Variants in CST6 observed in about 807,000 individuals in gnomAD.
CST6 encodes the protein cystatin-M.
In CST6, 8 loss-of-function variants were observed where a neutral mutation model predicts 10.7. The ratio of observed to expected loss-of-function variants is 0.75; its 90% CI spans 0.44 to 1.34. The LOEUF (loss-of-function observed/expected upper bound fraction) is 1.34, where lower values mean the gene tolerates loss of function less well. Among genes scored for constraint, CST6 ranks in the 40% most tolerant of loss-of-function variants. CST6 has a pLI of 0.01. For missense variants in CST6, 206 were observed against 205.1 expected, an observed-to-expected ratio of 1.00 and a Z score of -0.03; for synonymous variants, 100 against 89.3, an observed-to-expected ratio of 1.12 and a Z score of -0.68.
intron 1 of CST6, 42 bp downstream of exon 1, chr11:66,012,326 T>TG: frequency 1.3e-6 from 2 of 1,546,328 alleles, no homozygotes; most frequent in Non-Finnish European, 1.8e-6. Context: ...CCGGCCCAGA[T>TG]GGGGGAGGCC....
In CST6 at chr11:66,012,879, C is replaced by A; in HGVS notation, c.294C>A (p.Cys98Ter). 1 of 1,613,366 alleles carries A rather than the reference C, an allele frequency of 6.2e-7. No individual in the cohort carries two copies. The highest frequency in any genetic ancestry group is 8.5e-7 in the Non-Finnish European group (1 of 1,179,574). The change falls in exon 2 of 3, where the codon TGC becomes TGA. Residue 98 changes from cysteine to a stop codon, truncating the protein, a stop_gained. Transcript: ENST00000312134. LOFTEE classifies it high-confidence loss of function. ...FLTMEMGSTD[C>*]RKTRVTGDHV... is the part of the protein sequence containing the mutation. The stretch of plus-strand genomic sequence containing the variant: ...CGATGGAGATGGGGAGCACAGACTG[C>A]CGCAAGACCAGGGTCACTGGAGACC...
At chr11:66,012,688 C>CCCT (rs1856182405) in intron 1 of CST6, 138 bp from the exon 2 acceptor site, 1 of 155,906 alleles carries the variant, frequency 6.4e-6, no homozygotes, top group Non-Finnish European at 1.4e-5. Context: ...CCCCCCACCC[C>CCCT]CCCCCACCCC....
In CST6 at chr11:66,013,474, G is replaced by A; in HGVS notation, c.*74G>A. The A allele has an allele frequency of 2.4e-6, 3 of 1,241,008 alleles. No homozygotes were observed. Among genetic ancestry groups the A allele is most frequent in the Non-Finnish European group, 3.6e-6 (3 of 840,040 alleles). The allele number at this position is 1,241,008 out of a possible 1,614,324, so 76.9% of individuals were successfully genotyped here. On this transcript the variant is annotated 3_prime_UTR_variant, in exon 3 of 3. Coordinates refer to ENST00000312134, the MANE Select transcript of CST6 (RefSeq NM_001323.4). ...CACTTCAGGTCCGTGGGCCGTATCT[G>A]TCACAATAAATGGCCAGTGCTGCTT...
chr11:66,012,330 G>T (rs757571257), intron 1 of CST6, 46 bp downstream of exon 1: 48 of 1,538,056 alleles, frequency 3.1e-5, no homozygotes, highest in Non-Finnish European at 4.0e-5. Flanking sequence ...CCCAGATGGG[G>T]GAGGCCACAG....
intron 1 of CST6, among the ~76,000 whole-genome samples, 182 bp from the exon 2 acceptor site, chr11:66,012,644 C>A (rs1019271189): frequency 6.9e-6 from 1 of 143,984 alleles, no homozygotes; most frequent in African/African-American, 2.6e-5. Flanking sequence ...GGCCTCTCCA[C>A]CCTCCATCCC....
Position 66,012,895 on chromosome 11 carries a change from A to G in CST6, c.310A>G (p.Thr104Ala), listed in dbSNP as rs1210997403. Reference protein sequence around the residue: ...GSTDCRKTRVTGDHVDLTTCP... With the variant: ...GSTDCRKTRVAGDHVDLTTCP... ...CACAGACTGCCGCAAGACCAGGGTC[A>G]CTGGAGACCACGTCGACCTCACCAC... The change falls in exon 2 of 3, where the codon ACT (threonine) becomes GCT (alanine). Residue 104 changes from threonine (T) to alanine (A), a missense_variant. By Grantham distance (58) the Thr-to-Ala change is moderately conservative. Transcript: ENST00000312134. 6.2e-7 allele frequency: 1 copy of G among 1,613,700 alleles called. No individual in the cohort carries two copies. Among genetic ancestry groups the G allele is most frequent in the South Asian group, 1.1e-5 (1 of 91,078 alleles).
chr11:66,013,467 C>A lies in CST6; in HGVS notation c.*67C>A. On this transcript the variant is annotated 3_prime_UTR_variant, in exon 3 of 3. Coordinates refer to ENST00000312134, the MANE Select transcript of CST6 (RefSeq NM_001323.4). ...TGGAGGGCACTTCAGGTCCGTGGGC[C>A]GTATCTGTCACAATAAATGGCCAGT... The A allele has an allele frequency of 1.5e-6, 2 of 1,293,774 alleles. No individual in the cohort carries two copies. Among genetic ancestry groups the A allele is most frequent in the Admixed American group, 1.7e-5 (1 of 59,502 alleles). The allele number at this position is 1,293,774 out of a possible 1,614,324, so 80.1% of individuals were successfully genotyped here.
chr11:66,013,461 G>A lies in CST6; in HGVS notation c.*61G>A, dbSNP rs895515180. On this transcript the variant is annotated 3_prime_UTR_variant, in exon 3 of 3. Transcript: ENST00000312134. ...CCATGGTGGAGGGCACTTCAGGTCC[G>A]TGGGCCGTATCTGTCACAATAAATG... is the stretch of plus-strand genomic sequence containing the variant. 8 of 1,342,046 alleles carry A rather than the reference G, an allele frequency of 6.0e-6. No homozygotes were observed. Among genetic ancestry groups the A allele is most frequent in the Non-Finnish European group, 8.6e-6 (8 of 932,282 alleles). The allele number at this position is 1,342,046 out of a possible 1,614,324, so 83.1% of individuals were successfully genotyped here.
Position 66,012,055 on chromosome 11 carries a change from C to T in CST6, c.11C>T (p.Ser4Leu), listed in dbSNP as rs376486721. The change falls in exon 1 of 3, where the codon TCG becomes TTG. Residue 4 changes from serine (S) to leucine (L), a missense_variant. Ser to Leu is a moderately radical substitution (Grantham distance 145). Transcript: ENST00000312134. Reference protein sequence around the residue: MARSNLPLALGLAL... With the variant: MARLNLPLALGLAL... ...ACGGCACTGACGGCCATGGCGCGTT[C>T]GAACCTCCCGCTGGCGCTGGGCCTG... 1.2e-5 allele frequency: 19 copies of T among 1,559,142 alleles called. No homozygotes were observed. Among genetic ancestry groups the T allele is most frequent in the Non-Finnish European group, 1.6e-5 (18 of 1,160,244 alleles).
intron 1 of CST6, 59 bp from the exon 2 acceptor site, chr11:66,012,767 G>T: frequency 2.0e-6 from 3 of 1,520,620 alleles, no homozygotes; most frequent in Non-Finnish European, 2.7e-6. Flanking sequence ...TATATCAAGA[G>T]GTGAGAAGTG....
Position 66,012,941 on chromosome 11 carries a change from C to T in CST6, c.356C>T (p.Ala119Val), listed in dbSNP as rs748319216. 3.8e-5 allele frequency: 62 copies of T among 1,613,340 alleles called. No individual in the cohort carries two copies. In the Middle Eastern group the frequency reaches 6.6e-4, roughly 17 times the overall value. Residue 119 changes from alanine to valine, a missense_variant, in exon 2 of 3, where the codon GCG becomes GTG. Physicochemically the swap from Ala to Val is moderately conservative, Grantham distance 64 (BLOSUM62 0). Transcript: ENST00000312134. The stretch of plus-strand genomic sequence containing the variant: ...ACCACTTGCCCCCTGGCAGCAGGGG[C>T]GCAGCAGGAGGTAACAGCTGGGCTC... ...DLTTCPLAAG[A>V]QQEKLRCDFE...
rs1214698003 is a variant in CST6 at position 66,013,346 on chromosome 11, G to T, written c.396G>T (p.Val132=). The T allele has an allele frequency of 6.2e-7, 1 of 1,614,072 alleles. No homozygotes were observed. The highest frequency in any genetic ancestry group is 8.5e-7 in the Non-Finnish European group (1 of 1,180,030). Reference sequence around the variant, plus strand: ...TGCGCTGTGACTTTGAGGTCCTTGTGGTTCCCTGGCAGAACTCCTCTCAGC... The same window carrying T: ...TGCGCTGTGACTTTGAGGTCCTTGTTGTTCCCTGGCAGAACTCCTCTCAGC... ...EKLRCDFEVL[V]VPWQNSSQLL... Residue 132 remains valine (V), a synonymous_variant, in exon 3 of 3, where the codon GTG becomes GTT. Coordinates refer to ENST00000312134, the MANE Select transcript of CST6 (RefSeq NM_001323.4).
In CST6 at chr11:66,012,082, C is replaced by T. The variant is rs1311958364; in HGVS notation, c.38C>T (p.Ala13Val). ...RSNLPLALGL[A>V]LVAFCLLALP... is the part of the protein sequence containing the mutation. ...AACCTCCCGCTGGCGCTGGGCCTGG[C>T]CCTGGTCGCATTCTGCCTCCTGGCG... The change falls in exon 1 of 3, where the codon GCC (alanine) becomes GTC (valine). Residue 13 changes from alanine (A) to valine (V), a missense_variant. Ala to Val is a moderately conservative substitution (Grantham distance 64). Transcript: ENST00000312134. 1 of 1,569,194 alleles carries T rather than the reference C, an allele frequency of 6.4e-7. No homozygotes were observed. Among genetic ancestry groups the T allele is most frequent in the Non-Finnish European group, 8.6e-7 (1 of 1,166,188 alleles).
Position 66,012,203 on chromosome 11 carries a change from G to C in CST6, c.159G>C (p.Gln53His). ...PDDPQVQKAA[Q>H]AAVASYNMGS... ...ACCCGCAGGTGCAGAAGGCGGCGCA[G>C]GCGGCCGTGGCCAGCTACAACATGG... Residue 53 changes from glutamine (Q) to histidine (H), a missense_variant, in exon 1 of 3, where the codon CAG (glutamine) becomes CAC (histidine). Transcript: ENST00000312134. 6.3e-7 allele frequency: 1 copy of C among 1,588,456 alleles called. No homozygotes were observed. Among genetic ancestry groups the C allele is most frequent in the Non-Finnish European group, 8.6e-7 (1 of 1,169,082 alleles).
At chr11:66,013,291 CCTT>C in intron 2 of CST6, 23 bp from the exon 3 acceptor site, 3 of 1,606,876 alleles carry the variant, frequency 1.9e-6, no homozygotes, top group Non-Finnish European at 2.6e-6. Context: ...GCTCACCCCT[CCTT>C]CTCCCCCATA....
At chr11:66,013,027 G>C (rs1286848312) in intron 2 of CST6, 76 bp downstream of exon 2, 16 of 1,559,236 alleles carry the variant, frequency 1.0e-5, no homozygotes, top group Non-Finnish European at 8.7e-7. Context: ...GAACTGGTTT[G>C]GCTGGACACG....
chr11:66,013,065 G>A (rs760964165), intron 2 of CST6, 114 bp downstream of exon 2: 24 of 1,420,254 alleles, frequency 1.7e-5, no homozygotes, highest in Non-Finnish European at 2.0e-5. Flanking sequence ...GGCTGAACCT[G>A]TCGTCCTTCT....
chr11:66,013,272 C>T (rs754817566), intron 2 of CST6, 45 bp from the exon 3 acceptor site: 24 of 1,553,666 alleles, frequency 1.5e-5, no homozygotes, highest in African/African-American at 6.8e-5. Flanking sequence ...GGAGACAGGT[C>T]GAGGCTGGGC....
In CST6 at chr11:66,012,142, G is replaced by A. The variant is rs774204269; in HGVS notation, c.98G>A (p.Arg33His). ...PRDARARPQE[R>H]MVGELRDLSP... ...GACGCCCGGGCCCGGCCGCAGGAGC[G>A]CATGGTCGGAGAACTCCGGGACCTG... Residue 33 changes from arginine (R) to histidine (H), a missense_variant, in exon 1 of 3, where the codon CGC (arginine) becomes CAC (histidine). Coordinates refer to ENST00000312134, the MANE Select transcript of CST6 (RefSeq NM_001323.4). 1.1e-5 allele frequency: 17 copies of A among 1,552,894 alleles called. No homozygotes were observed. The highest frequency in any genetic ancestry group is 7.1e-5 in the East Asian group (3 of 42,056).
Sources: allele counts gnomAD v4.1 joint callset (sites outside exome capture counted in the v4.1 genomes callset), GRCh38; gene constraint gnomAD v4.1.1; transcripts MANE v1.5; gene names NCBI Gene and HGNC (gene_info 2026-07-23, HGNC 2026-07-21).